The following PTPN14 variants were observed in gnomAD, a reference collection of about 807,000 sequenced individuals.
PTPN14 encodes protein tyrosine phosphatase non-receptor type 14, also known as tyrosine-protein phosphatase non-receptor type 14.
A neutral mutation model predicts 126.8 loss-of-function variants in PTPN14; 53 were observed. That is an observed-to-expected ratio of 0.42 (90% CI 0.34 to 0.53). The LOEUF (loss-of-function observed/expected upper bound fraction) is 0.53, where lower values mean the gene tolerates loss of function less well. PTPN14 is among the 20% of genes least tolerant of loss of function. The pLI, the probability that PTPN14 is intolerant of heterozygous loss-of-function variation, is 0.08. For missense variants in PTPN14, 1,257 were observed against 1,552.9 expected (o/e 0.81, Z 3.20); for synonymous variants, 630 against 599.3 (o/e 1.05, Z -0.75).
rs1310273596 is a variant in PTPN14, at chr1:214,352,018, G to A, written c.*5904C>T. Reference sequence around the variant, plus strand: ...CTGATGGCCCAAAGTGTGGCAGAAGGAGCAATGACTTTCCACACAAATGCT... The same window carrying A: ...CTGATGGCCCAAAGTGTGGCAGAAGAAGCAATGACTTTCCACACAAATGCT... On this transcript the variant is annotated 3_prime_UTR_variant, in exon 19 of 19. Transcript: ENST00000366956. The A allele has an allele frequency of 6.6e-6, 1 of 152,174 alleles. No homozygotes were observed. The highest frequency in any genetic ancestry group is 1.9e-4 in the East Asian group (1 of 5,202). 9.4% of individuals were successfully genotyped at this position (152,174 alleles called of 1,614,324 possible).
At chr1:214,539,888 G>A (rs544503021) in intron 1 of PTPN14, among the ~76,000 whole-genome samples, 2 of 152,270 alleles carry the variant, frequency 1.3e-5, no homozygotes, top group South Asian at 2.1e-4. Flanking sequence ...CCAAACAGCT[G>A]CTCAGCAGAA....
chr1:214,508,552 C>T (rs1234288764), intron 1 of PTPN14, among the ~76,000 whole-genome samples: 1 of 152,154 alleles, frequency 6.6e-6, no homozygotes, highest in Non-Finnish European at 1.5e-5. Context: ...AAAGTTTGAA[C>T]CCCTCAAAAT....
intron 1 of PTPN14, among the ~76,000 whole-genome samples, chr1:214,502,672 T>C (rs1654736082): frequency 6.6e-6 from 1 of 152,170 alleles, no homozygotes; most frequent in South Asian, 2.1e-4. Flanking sequence ...TAAACAGTTT[T>C]AGCATTTAAA....
At chr1:214,415,893 C>G (rs751903744) in intron 3 of PTPN14, among the ~76,000 whole-genome samples, 2 of 152,102 alleles carry the variant, frequency 1.3e-5, no homozygotes, top group Non-Finnish European at 2.9e-5. Flanking sequence ...CCTTTTTAGT[C>G]AAACCTAATA....
intron 2 of PTPN14, among the ~76,000 whole-genome samples, chr1:214,459,628 C>T (rs1202328709): frequency 6.6e-6 from 1 of 152,108 alleles, no homozygotes. Flanking sequence ...TGCCACCACG[C>T]CCAGCTAATT....
rs375699206 is a variant in PTPN14 at position 214,384,088 on chromosome 1, G to A, written c.1767C>T (p.Tyr589=). The A allele has an allele frequency of 2.2e-5, 34 of 1,574,452 alleles. No homozygotes were observed. In the African/African-American group the frequency reaches 2.7e-4, roughly 12 times the overall value. The part of the protein sequence containing the change: ...TPDLASHRHK[Y]VSGSSPDLVT... ...CCAGGTCCGGGCTGCTGCCGCTGAC[G>A]TACTTGTGGCGGTGGCTGGCCAGGT... Residue 589 remains tyrosine (Y), a synonymous_variant, in exon 13 of 19, where the codon TAC becomes TAT. Transcript: ENST00000366956. This position sits in a 1 kb window ranked among gnomAD's most constrained non-coding sequence, Gnocchi z 5.3.
intron 17 of PTPN14, among the ~76,000 whole-genome samples, chr1:214,366,150 C>T (rs1658075042): frequency 6.6e-6 from 1 of 152,070 alleles, no homozygotes; most frequent in Non-Finnish European, 1.5e-5. Flanking sequence ...TGCACCCCAG[C>T]CTGGGCACCA....
chr1:214,473,099 A>G (rs1180824029), intron 1 of PTPN14, among the ~76,000 whole-genome samples: 1 of 152,228 alleles, frequency 6.6e-6, no homozygotes, highest in Non-Finnish European at 1.5e-5. Context: ...TTCGATCTTT[A>G]CCTATTAACT....
At position 214,509,861 on chromosome 1, in the gene PTPN14, T is replaced by C. The variant is rs111803899; in HGVS notation, c.-155+41322A>G. On this transcript the variant is annotated intron_variant, in intron 1 of 18. Transcript: ENST00000366956. ...TAGGGACATGGATGAAGCTGGAAAC[T>C]ATCATTCTGAGCAAACTATTGCAAG... is the stretch of plus-strand genomic sequence containing the variant. 8.7e-3 allele frequency among the ~76,000 whole-genome samples: 1,328 copies of C among 152,300 alleles called. 18 individuals carry two copies. The highest frequency in any genetic ancestry group is 0.03 in the African/African-American group (1,255 of 41,560).
rs549026900 is a variant in PTPN14 at position 214,353,185 on chromosome 1, C to T, written c.*4737G>A. On this transcript the variant is annotated 3_prime_UTR_variant, in exon 19 of 19. Transcript: ENST00000366956. ...CTTTACCAAAGGGGGCAATCAAGGA[C>T]CCTCTGAGAATACCAGAATCCATGG... 1.3e-5 allele frequency: 2 copies of T among 152,088 alleles called. No individual in the cohort carries two copies. The highest frequency in any genetic ancestry group is 3.9e-4 in the East Asian group (2 of 5,180). The allele number at this position is 152,088 out of a possible 1,614,324, so 9.4% of individuals were successfully genotyped here. A position where few individuals can be genotyped will look rare whatever the true frequency, so the allele number is the denominator to read the frequency against.
chr1:214,437,615 T>C (rs1659948782), intron 3 of PTPN14, among the ~76,000 whole-genome samples: 1 of 152,170 alleles, frequency 6.6e-6, no homozygotes, highest in African/African-American at 2.4e-5. Context: ...AATCAAACTG[T>C]ACAAAATTGC....
intron 1 of PTPN14, chr1:214,533,407 C>T: frequency 4.7e-6 from 2 of 421,594 alleles, no homozygotes; most frequent in Admixed American, 3.1e-5. Context: ...AAGACCACCA[C>T]CTGCCGCAAA....
chr1:214,387,857 C>G (rs1305840601), intron 11 of PTPN14, among the ~76,000 whole-genome samples: 1 of 152,028 alleles, frequency 6.6e-6, no homozygotes, highest in African/African-American at 2.4e-5. Context: ...TAAATAGGAA[C>G]AGGGTTAGTG....
intron 1 of PTPN14, among the ~76,000 whole-genome samples, chr1:214,525,431 A>G (rs923994428): frequency 6.6e-6 from 1 of 152,262 alleles, no homozygotes; most frequent in Admixed American, 6.5e-5. Context: ...GGGAAGGGTC[A>G]GCTGCGAATG....
chr1:214,485,849 C>T (rs1034048001), intron 1 of PTPN14, among the ~76,000 whole-genome samples: 1 of 152,138 alleles, frequency 6.6e-6, no homozygotes, highest in African/African-American at 2.4e-5. Flanking sequence ...CCTCAGCCTC[C>T]CGAGTAGCTG....
In PTPN14 at chr1:214,357,647, C is replaced by T; in HGVS notation, c.*275G>A. On this transcript the variant is annotated 3_prime_UTR_variant, in exon 19 of 19. Transcript: ENST00000366956. ...TTACCTGCTGACATATATTACAATACAGATCAGTCAAGATGTGGTTCAAAT... is the reference window on the plus strand; with the variant it reads ...TTACCTGCTGACATATATTACAATATAGATCAGTCAAGATGTGGTTCAAAT... 4.2e-6 allele frequency: 1 copy of T among 240,282 alleles called. No individual in the cohort carries two copies. The highest frequency in any genetic ancestry group is 9.4e-5 in the South Asian group (1 of 10,620). 14.9% of individuals were successfully genotyped at this position (240,282 alleles called of 1,614,324 possible). A position where few individuals can be genotyped will look rare whatever the true frequency, so the allele number is the denominator to read the frequency against.
At chr1:214,439,824 G>T (rs548421601) in intron 3 of PTPN14, among the ~76,000 whole-genome samples, 3 of 152,176 alleles carry the variant, frequency 2.0e-5, no homozygotes, top group Admixed American at 2.0e-4. Context: ...CTTTCACTAT[G>T]TGCCCAGGGC....
chr1:214,389,414 G>C (rs1658700118), intron 11 of PTPN14, among the ~76,000 whole-genome samples: 1 of 152,074 alleles, frequency 6.6e-6, no homozygotes, highest in Non-Finnish European at 1.5e-5. Flanking sequence ...TTTCTTCCCA[G>C]ACCTGCTAAT....
intron 18 of PTPN14, among the ~76,000 whole-genome samples, chr1:214,360,826 C>A (rs532184218): frequency 6.6e-6 from 1 of 152,320 alleles, no homozygotes; most frequent in South Asian, 2.1e-4. Flanking sequence ...CCACCCAAAT[C>A]TCATGTTGAC....
Sources: allele counts gnomAD v4.1 joint callset (sites outside exome capture counted in the v4.1 genomes callset), GRCh38; gene constraint gnomAD v4.1.1; non-coding constraint Gnocchi (gnomAD v3.1); transcripts MANE v1.5; gene names NCBI Gene and HGNC (gene_info 2026-07-23, HGNC 2026-07-21).